The following ARMC3 variants were observed in gnomAD, a reference collection of about 807,000 sequenced individuals.
ARMC3 encodes armadillo repeat containing 3, also known as armadillo repeat-containing protein 3.
ARMC3 carries 74 observed loss-of-function variants against 90.3 expected under a neutral mutation model. The observed-to-expected ratio is 0.82, with a 90% CI of 0.68 to 0.99. The LOEUF (loss-of-function observed/expected upper bound fraction) is 0.99, where lower values mean the gene tolerates loss of function less well. Ranked by LOEUF, ARMC3 falls within the 50% of genes least tolerant of loss-of-function variation. The pLI, the probability that ARMC3 is intolerant of heterozygous loss-of-function variation, is 0.00. For missense variants in ARMC3, 958 were observed against 1,042.8 expected, an observed-to-expected ratio of 0.92 and a Z score of 1.12; for synonymous variants, 334 against 361.8, an observed-to-expected ratio of 0.92 and a Z score of 0.87.
intron 10 of ARMC3, among the ~76,000 whole-genome samples, chr10:22,983,388 T>TC (rs1197649366): frequency 6.6e-6 from 1 of 152,222 alleles, no homozygotes; most frequent in African/African-American, 2.4e-5. Context: ...GTCATCTGAC[T>TC]CCTAGTTCCA....
rs1443983342 is a variant in ARMC3 at position 22,946,869 on chromosome 10, A to G, written c.166+608A>G. Among the ~76,000 whole-genome samples, 5 of 152,198 alleles carry G rather than the reference A, an allele frequency of 3.3e-5. No individual in the cohort carries two copies. In the East Asian group the frequency reaches 7.7e-4, roughly 23 times the overall value. ...TACCGCAGCTAGGTGATCAAAATCA[A>G]CACCACACATCTGGGCATGGTGGCT... is the stretch of plus-strand genomic sequence containing the variant. On this transcript the variant is annotated intron_variant, in intron 3 of 18. Coordinates refer to ENST00000298032, the MANE Select transcript of ARMC3 (RefSeq NM_173081.5).
chr10:22,985,320 G>C (rs945781363), intron 10 of ARMC3, among the ~76,000 whole-genome samples: 1 of 152,078 alleles, frequency 6.6e-6, no homozygotes, highest in Admixed American at 6.5e-5. Context: ...TGGGGAAGGG[G>C]GGCTACTTGT....
chr10:22,960,226 A>G (rs11013211), intron 6 of ARMC3: 9,894 of 163,068 alleles, frequency 0.061, 416 homozygotes, highest in Middle Eastern at 0.12. Context: ...TCTGCTGCTT[A>G]GATTCCTTAA....
At chr10:23,007,104 T>C (rs549930589) in intron 14 of ARMC3, 123 bp downstream of exon 14, 1 of 757,298 alleles carries the variant, frequency 1.3e-6, no homozygotes, top group African/African-American at 1.8e-5. Flanking sequence ...AGCACCTCCA[T>C]GAAAATAAAC....
At chr10:23,020,001 A>G (rs1220062551) in intron 16 of ARMC3, among the ~76,000 whole-genome samples, 7 of 152,182 alleles carry the variant, frequency 4.6e-5, no homozygotes. Context: ...CACTGTGTGG[A>G]TATACCACAG....
At chr10:22,934,075 A>G (rs1451197684) in intron 2 of ARMC3, among the ~76,000 whole-genome samples, 2 of 152,224 alleles carry the variant, frequency 1.3e-5, no homozygotes, top group East Asian at 3.8e-4. Flanking sequence ...ACACATTGTA[A>G]ATGAAAACCA....
chr10:22,937,413 CAT>C (rs1249526128), intron 2 of ARMC3, among the ~76,000 whole-genome samples: 1 of 152,016 alleles, frequency 6.6e-6, no homozygotes, highest in South Asian at 2.1e-4. Flanking sequence ...AATATAGAAA[CAT>C]GTGAGGTCTC....
At chr10:23,033,553 G>A (rs1839006423) in intron 18 of ARMC3, among the ~76,000 whole-genome samples, 1 of 152,172 alleles carries the variant, frequency 6.6e-6, no homozygotes, top group African/African-American at 2.4e-5. Flanking sequence ...CTGAGGAAGG[G>A]TAGAATAGTT....
intron 18 of ARMC3, 127 bp from the exon 19 acceptor site, chr10:23,037,143 T>G: frequency 1.2e-6 from 1 of 824,862 alleles, no homozygotes; most frequent in Non-Finnish European, 1.8e-6. Context: ...TCTTTCAGCC[T>G]CCTATCTAAA....
intron 7 of ARMC3, among the ~76,000 whole-genome samples, chr10:22,963,924 A>AC (rs1835331098): frequency 5.0e-5 from 4 of 79,374 alleles, no homozygotes; most frequent in Non-Finnish European, 9.6e-5. Context: ...CACACACACA[A>AC]AAAAAAAAAA....
chr10:23,008,629 T>C (rs996213935), intron 15 of ARMC3, among the ~76,000 whole-genome samples, 186 bp from the exon 16 acceptor site: 3 of 152,240 alleles, frequency 2.0e-5, no homozygotes, highest in Non-Finnish European at 2.9e-5. Flanking sequence ...TGGGTTTCGT[T>C]TCCTTAGCTG....
chr10:22,968,475 A>G lies in ARMC3; in HGVS notation c.902A>G (p.Lys301Arg), dbSNP rs372516580. The G allele has an allele frequency of 5.7e-6, 9 of 1,591,460 alleles. No individual in the cohort carries two copies. Among genetic ancestry groups the G allele is most frequent in the Non-Finnish European group, 7.7e-6 (9 of 1,172,728 alleles). The change falls in exon 8 of 19, where the codon AAA becomes AGA. Residue 301 changes from lysine (K) to arginine (R), a missense_variant. By Grantham distance (26) the Lys-to-Arg change is conservative (BLOSUM62 2). Transcript: ENST00000298032. ...IQKNAAKAIT[K>R]AAYDPENRKL... ...AAGAATGCAGCAAAAGCCATTACTA[A>G]AGCAGCTTATGATCGTATGTCTCAT...
chr10:22,989,897 T>C (rs1836628579), intron 10 of ARMC3, among the ~76,000 whole-genome samples: 1 of 152,222 alleles, frequency 6.6e-6, no homozygotes, highest in South Asian at 2.1e-4. Flanking sequence ...AATTTTGCAA[T>C]AGAACAAGTG....
At chr10:23,026,127 C>A (rs1459513284) in intron 16 of ARMC3, among the ~76,000 whole-genome samples, 1 of 152,060 alleles carries the variant, frequency 6.6e-6, no homozygotes, top group African/African-American at 2.4e-5. Flanking sequence ...CAGATAGTTT[C>A]ATTGGCAAAT....
Position 23,037,646 on chromosome 10 carries a change from C to A in ARMC3, c.*167C>A. On this transcript the variant is annotated 3_prime_UTR_variant, in exon 19 of 19. Transcript: ENST00000298032. ...GAAGCTTGGAGTGAACTTTGCTGTG[C>A]TTCTGATTTCAGGCTTTTGGCAAGA... 1.5e-6 allele frequency: 1 copy of A among 658,000 alleles called. No individual in the cohort carries two copies. The allele number at this position is 658,000 out of a possible 1,614,324, so 40.8% of individuals were successfully genotyped here.
At chr10:22,963,277 T>C (rs1253414101) in intron 7 of ARMC3, among the ~76,000 whole-genome samples, 1 of 152,202 alleles carries the variant, frequency 6.6e-6, no homozygotes, top group Non-Finnish European at 1.5e-5. Flanking sequence ...TAATCATATA[T>C]ACCTATTATA....
At chr10:23,001,004 T>C (rs1297555587) in intron 11 of ARMC3, among the ~76,000 whole-genome samples, 1 of 152,226 alleles carries the variant, frequency 6.6e-6, no homozygotes. Context: ...AATTCTTTTC[T>C]TTTTCTTCTC....
rs1834229947 is a variant in ARMC3 at position 22,939,305 on chromosome 10, C to T, written c.49-6839C>T. On this transcript the variant is annotated intron_variant, in intron 2 of 18. Transcript: ENST00000298032. ...TAGCTCCAGAAATCCAGTTAATGGT[C>T]CTCTGGATTCTCTGAAGTCTAATCT... 1.3e-5 allele frequency among the ~76,000 whole-genome samples: 2 copies of T among 152,138 alleles called. 1 individual carries two copies. The highest frequency in any genetic ancestry group is 4.1e-4 in the South Asian group (2 of 4,826).
chr10:22,977,423 G>A (rs138808947), intron 8 of ARMC3, among the ~76,000 whole-genome samples: 1 of 152,252 alleles, frequency 6.6e-6, no homozygotes, highest in African/African-American at 2.4e-5. Flanking sequence ...AGCAAGCACA[G>A]CACAAAAGTT....
Sources: allele counts gnomAD v4.1 joint callset (sites outside exome capture counted in the v4.1 genomes callset), GRCh38; gene constraint gnomAD v4.1.1; transcripts MANE v1.5; gene names NCBI Gene and HGNC (gene_info 2026-07-23, HGNC 2026-07-21).